Variants in LCORL observed in about 807,000 individuals in gnomAD.
LCORL encodes ligand-dependent nuclear receptor corepressor-like protein.
Under a neutral mutation model 141.8 loss-of-function variants are expected in LCORL, and 41 were observed. The observed-to-expected ratio is 0.29, with a 90% confidence interval of 0.23 to 0.38. The LOEUF (loss-of-function observed/expected upper bound fraction) is 0.38. Ranked by LOEUF, LCORL falls within the 10% of genes least tolerant of loss-of-function variation. LCORL has a pLI of 1.00. For missense variants in LCORL, 1,759 were observed against 2,035.0 expected (o/e 0.86, Z 2.61); for synonymous variants, 618 against 694.1 (o/e 0.89, Z 1.72).
chr4:17,920,075 A>G (rs2109367826), intron 4 of LCORL, among the ~76,000 whole-genome samples: 1 of 152,326 alleles, frequency 6.6e-6, no homozygotes, highest in East Asian at 1.9e-4. Flanking sequence ...AGAATAAGCC[A>G]GTTAAGTGTT....
At chr4:17,900,862 C>A (rs1167501131) in intron 5 of LCORL, among the ~76,000 whole-genome samples, 1 of 152,042 alleles carries the variant, frequency 6.6e-6, no homozygotes, top group Non-Finnish European at 1.5e-5. Context: ...TATATTTGAA[C>A]AGATAATGGC....
chr4:17,984,626 T>G (rs1718620215), intron 1 of LCORL, among the ~76,000 whole-genome samples: 1 of 152,128 alleles, frequency 6.6e-6, no homozygotes, highest in Non-Finnish European at 1.5e-5. Context: ...ATCCCCTTTG[T>G]CTTTTCTAAT....
rs985638546 is a variant in LCORL, at chr4:17,988,824, A to G, written c.155-15939T>C. 2.6e-5 allele frequency among the ~76,000 whole-genome samples: 4 copies of G among 152,126 alleles called. 1 individual carries two copies. In the South Asian group the frequency reaches 8.3e-4, roughly 32 times the overall value. ...ACATGGCGAAACCCTATCTCTACGA[A>G]AAACACAAAAATCAGCTGGGCATGG... On this transcript the variant is annotated intron_variant, in intron 1 of 7. Coordinates refer to ENST00000635767, the Ensembl canonical transcript of LCORL.
At position 17,884,276 on chromosome 4, in the gene LCORL, C is replaced by T. The variant is rs765209311; in HGVS notation, c.776+1792G>A. On this transcript the variant is annotated intron_variant, in intron 6 of 7. Coordinates refer to ENST00000635767, the Ensembl canonical transcript of LCORL. This position sits in a 1 kb window ranked among gnomAD's most constrained non-coding sequence, Gnocchi z 4.4. ...TTGTGATTTTGAGACAGAACTTACT[C>T]GTAGCTGAGGAATTTTTAACTGTAC... 4 of 1,550,554 alleles carry T rather than the reference C, an allele frequency of 2.6e-6. No individual in the cohort carries two copies. The highest frequency in any genetic ancestry group is 3.5e-6 in the Non-Finnish European group (4 of 1,146,328).
chr4:17,842,084 C>T, exon 8 of LCORL: 1 of 420,110 alleles, frequency 2.4e-6, no homozygotes, highest in Non-Finnish European at 4.4e-6. Flanking sequence ...CTTATTTTCC[C>T]TTACTCATTA....
intron 7 of LCORL, among the ~76,000 whole-genome samples, chr4:17,871,509 ATATT>A (rs1217850069): frequency 6.8e-4 from 104 of 152,096 alleles, no homozygotes; most frequent in Non-Finnish European, 5.9e-5. Context: ...AATAAGCTTG[ATATT>A]TATTTCTTAG....
At chr4:17,939,040 A>C (rs1275375428) in intron 4 of LCORL, among the ~76,000 whole-genome samples, 2 of 152,224 alleles carry the variant, frequency 1.3e-5, no homozygotes, top group Non-Finnish European at 2.9e-5. Flanking sequence ...ATTATCTGAC[A>C]AAGGACTTTT....
chr4:17,911,499 G>C (rs1732522327), intron 4 of LCORL, among the ~76,000 whole-genome samples: 1 of 152,152 alleles, frequency 6.6e-6, no homozygotes, highest in Admixed American at 6.5e-5. Flanking sequence ...TAAAATTGAA[G>C]CAAGAACAAA....
chr4:17,869,386 C>T (rs1044326796), intron 7 of LCORL, among the ~76,000 whole-genome samples: 1 of 152,054 alleles, frequency 6.6e-6, no homozygotes, highest in African/African-American at 2.4e-5. Flanking sequence ...CTCTGTTAGT[C>T]CACCAAAGCT....
chr4:17,907,811 C>T (rs1731885303), intron 5 of LCORL, among the ~76,000 whole-genome samples: 3 of 152,132 alleles, frequency 2.0e-5, no homozygotes, highest in South Asian at 2.1e-4. Flanking sequence ...CCGGGGAAGC[C>T]AAAAGGTTGG....
intron 4 of LCORL, chr4:17,912,044 T>G: frequency 3.0e-6 from 2 of 673,662 alleles, no homozygotes; most frequent in Middle Eastern, 6.0e-4. Context: ...TGGGGGCACC[T>G]GGAGAAGAAG....
At chr4:17,846,300 C>T (rs1217028739) in intron 7 of LCORL, among the ~76,000 whole-genome samples, 1 of 152,126 alleles carries the variant, frequency 6.6e-6, no homozygotes, top group Non-Finnish European at 1.5e-5. Flanking sequence ...TTCTAGCCAC[C>T]TTCACATGTA....
At chr4:17,995,280 T>TA (rs1720730770) in intron 1 of LCORL, among the ~76,000 whole-genome samples, 1 of 151,876 alleles carries the variant, frequency 6.6e-6, no homozygotes, top group Non-Finnish European at 1.5e-5. Flanking sequence ...TGCTATGACT[T>TA]AAGGACTACA....
At chr4:17,906,568 AG>A (rs1457822326) in intron 5 of LCORL, among the ~76,000 whole-genome samples, 4 of 152,326 alleles carry the variant, frequency 2.6e-5, no homozygotes, top group South Asian at 2.1e-4. Context: ...CACTTTGTTT[AG>A]ACTATTACAA....
intron 1 of LCORL, among the ~76,000 whole-genome samples, chr4:17,988,321 G>C (rs1304095843): frequency 6.6e-6 from 1 of 152,122 alleles, no homozygotes; most frequent in African/African-American, 2.4e-5. Flanking sequence ...TGGAATTCAG[G>C]CTGAAGTCCA....
At chr4:17,950,498 T>C (rs1343711181) in intron 4 of LCORL, among the ~76,000 whole-genome samples, 4 of 152,148 alleles carry the variant, frequency 2.6e-5, no homozygotes, top group African/African-American at 9.7e-5. Context: ...TTCTTTAATG[T>C]AGGATTTATA....
At chr4:17,942,391 C>T (rs1247990071) in intron 4 of LCORL, among the ~76,000 whole-genome samples, 5 of 152,086 alleles carry the variant, frequency 3.3e-5, no homozygotes, top group African/African-American at 1.2e-4. Flanking sequence ...TAATCAACTA[C>T]CAAGACTCAT....
At chr4:17,972,300 A>G (rs1716122371) in intron 2 of LCORL, among the ~76,000 whole-genome samples, 2 of 151,822 alleles carry the variant, frequency 1.3e-5, no homozygotes, top group South Asian at 4.1e-4. Context: ...AACAAATAAA[A>G]GGAGTCAATA....
chr4:17,994,898 C>T (rs1209107447), intron 1 of LCORL, among the ~76,000 whole-genome samples: 1 of 151,992 alleles, frequency 6.6e-6, no homozygotes, highest in East Asian at 1.9e-4. Context: ...TAGCCCAATG[C>T]CTGGTCCATG....
Sources: allele counts gnomAD v4.1 joint callset (sites outside exome capture counted in the v4.1 genomes callset), GRCh38; gene constraint gnomAD v4.1.1; non-coding constraint Gnocchi (gnomAD v3.1); transcripts MANE v1.5; gene names NCBI Gene and HGNC (gene_info 2026-07-23, HGNC 2026-07-21).